SLC9B1: variants seen among roughly 807,000 people sequenced by gnomAD.
SLC9B1 encodes the protein sodium/hydrogen exchanger 9B1.
In SLC9B1, 32 loss-of-function variants were observed where a neutral mutation model predicts 51.7. The ratio of observed to expected loss-of-function variants is 0.62; its 90% CI spans 0.47 to 0.83. SLC9B1 has a LOEUF of 0.83. SLC9B1 is among the 40% of genes least tolerant of loss of function. The pLI is 0.00. For synonymous variants in SLC9B1, 145 were observed against 212.7 expected (o/e 0.68, Z 2.77); for missense variants, 406 against 613.2 (o/e 0.66, Z 3.57).
chr4:102,972,378 G>A lies in SLC9B1; in HGVS notation c.211+17422C>T, dbSNP rs571953046. 3.3e-5 allele frequency among the ~76,000 whole-genome samples: 5 copies of A among 152,148 alleles called. No individual in the cohort carries two copies. The South Asian group carries it at 1.0e-3, about 32-fold the overall frequency. On this transcript the variant is annotated intron_variant, in intron 3 of 11. Transcript: ENST00000296422. Reference sequence around the variant, plus strand: ...CGTAATCCATCACACTTCAGCCTTCGAGTAGCTGACAGGTGTGCCACCATG... The same window carrying A: ...CGTAATCCATCACACTTCAGCCTTCAAGTAGCTGACAGGTGTGCCACCATG...
At chr4:103,008,217 TG>T (rs1393462857) in intron 1 of SLC9B1, among the ~76,000 whole-genome samples, 9 of 152,338 alleles carry the variant, frequency 5.9e-5, no homozygotes, top group South Asian at 2.1e-4. Context: ...GCAAAAGCTA[TG>T]GTATTTAAAA....
At chr4:102,944,963 A>G (rs1737196151) in intron 6 of SLC9B1, among the ~76,000 whole-genome samples, 1 of 152,168 alleles carries the variant, frequency 6.6e-6, no homozygotes, top group Admixed American at 6.6e-5. Context: ...GAATAAATTG[A>G]TCATGTGAAT....
rs144427163 is a variant in SLC9B1 at position 102,932,149 on chromosome 4, T to A, written c.804A>T (p.Thr268=). 6.2e-7 allele frequency: 1 copy of A among 1,611,976 alleles called. No individual in the cohort carries two copies. Among genetic ancestry groups the A allele is most frequent in the African/African-American group, 1.3e-5 (1 of 74,988 alleles). ...DDILAITGFN[T]CLSIVFSSGG... ...CTGAGGAAAAGACTATGCTCAAGCA[T>A]GTATTGAATCCAGTGATAGCCAGAA... Residue 268 remains threonine (T), a synonymous_variant, in exon 7 of 12, where the codon ACA becomes ACT. Coordinates refer to ENST00000296422, the MANE Select transcript of SLC9B1 (RefSeq NM_139173.4).
intron 6 of SLC9B1, among the ~76,000 whole-genome samples, chr4:102,943,588 C>CA (rs1456732145): frequency 1.3e-5 from 2 of 151,548 alleles, no homozygotes; most frequent in African/African-American, 4.9e-5. Flanking sequence ...TAATGGCATT[C>CA]ACAGCAACCT....
At chr4:102,977,485 T>A (rs1394906601) in intron 3 of SLC9B1, among the ~76,000 whole-genome samples, 1 of 152,212 alleles carries the variant, frequency 6.6e-6, no homozygotes, top group East Asian at 1.9e-4. Flanking sequence ...TTTAGCTCCC[T>A]GGCAAACAGA....
chr4:103,018,918 C>T (rs997256715), intron 1 of SLC9B1, among the ~76,000 whole-genome samples: 1 of 152,202 alleles, frequency 6.6e-6, no homozygotes, highest in African/African-American at 2.4e-5. Flanking sequence ...GCATTAGATT[C>T]TCATAGGAGC....
At chr4:102,924,447 A>C (rs1184734030) in intron 7 of SLC9B1, among the ~76,000 whole-genome samples, 2 of 152,222 alleles carry the variant, frequency 1.3e-5, no homozygotes, top group Non-Finnish European at 2.9e-5. Context: ...CTAAAACCAT[A>C]AAAACCCTAG....
chr4:102,918,929 G>A (rs548300645), intron 7 of SLC9B1, among the ~76,000 whole-genome samples: 8 of 152,206 alleles, frequency 5.3e-5, no homozygotes, highest in African/African-American at 1.9e-4. Flanking sequence ...ATATCAACCC[G>A]ACACTATGTG....
chr4:102,932,218 T>G lies in SLC9B1; in HGVS notation c.735A>C (p.Glu245Asp). ...CAGCCATTAATAAGGTTGGAATGCC[T>G]TCCTCAACACCATATCCATTTTCTT... ...VLQENGYGVE[E>D]GIPTLLMAAS... Residue 245 changes from glutamate (E) to aspartate (D), a missense_variant, in exon 7 of 12, where the codon GAA becomes GAC. Glu to Asp is a conservative substitution (Grantham distance 45). Transcript: ENST00000296422. The G allele has an allele frequency of 6.2e-7, 1 of 1,611,914 alleles. No individual in the cohort carries two copies. The highest frequency in any genetic ancestry group is 8.5e-7 in the Non-Finnish European group (1 of 1,179,798).
chr4:102,965,233 G>A lies in SLC9B1; in HGVS notation c.212-15806C>T, dbSNP rs571498690. The stretch of plus-strand genomic sequence containing the variant: ...TAGAATACCTGAGACTGTATAAAGA[G>A]GTTTATTTAGCTCATGTTTCTCCAG... On this transcript the variant is annotated intron_variant, in intron 3 of 11. Coordinates refer to ENST00000296422, the MANE Select transcript of SLC9B1 (RefSeq NM_139173.4). Among the ~76,000 whole-genome samples, 19 of 152,150 alleles carry A rather than the reference G, an allele frequency of 1.2e-4. No homozygotes were observed. The South Asian group carries it at 3.7e-3, about 30-fold the overall frequency.
At chr4:103,001,719 A>C (rs1740532970) in intron 1 of SLC9B1, among the ~76,000 whole-genome samples, 1 of 152,180 alleles carries the variant, frequency 6.6e-6, no homozygotes, top group Non-Finnish European at 1.5e-5. Flanking sequence ...TGAGCCCTCC[A>C]AACTGTTCCC....
chr4:102,910,784 C>T (rs964703050), intron 8 of SLC9B1, among the ~76,000 whole-genome samples, 196 bp from the exon 9 acceptor site: 27 of 152,060 alleles, frequency 1.8e-4, no homozygotes, highest in Admixed American at 7.2e-4. Context: ...CAATTAGTCA[C>T]GTTTCATCTT....
Position 102,927,706 on chromosome 4 carries a change from C to G in SLC9B1, c.829+4418G>C, listed in dbSNP as rs539722671. ...TATAGAACTAGAATTACCATTTGACCCGGCAATCCCATTACTGGGTATATA... is the reference window on the plus strand; with the variant it reads ...TATAGAACTAGAATTACCATTTGACGCGGCAATCCCATTACTGGGTATATA... On this transcript the variant is annotated intron_variant, in intron 7 of 11. Transcript: ENST00000296422. 6.6e-5 allele frequency among the ~76,000 whole-genome samples: 10 copies of G among 152,202 alleles called. No homozygotes were observed. In the East Asian group the frequency reaches 1.9e-3, roughly 29 times the overall value.
rs1328298077 is a variant in SLC9B1 at position 102,906,567 on chromosome 4, T to C, written c.1164A>G (p.Val388=). Residue 388 remains valine (V), a synonymous_variant, in exon 10 of 12, where the codon GTA becomes GTG. Transcript: ENST00000296422. ...PLLFGLVGAE[V]SVSSLESNIV... is the part of the protein sequence containing the mutation. The stretch of plus-strand genomic sequence containing the variant: ...TATTTGATTCAAGCGATGAAACAGA[T>C]ACTTCTGCTCCAACTAAACCAAAAA... 3.2e-6 allele frequency: 5 copies of C among 1,581,840 alleles called. No homozygotes were observed. In the African/African-American group the frequency reaches 5.4e-5, roughly 17 times the overall value.
chr4:102,988,965 AC>A (rs1254525824), intron 3 of SLC9B1, among the ~76,000 whole-genome samples: 2 of 152,052 alleles, frequency 1.3e-5, no homozygotes, highest in African/African-American at 4.8e-5. Flanking sequence ...TACTAAATAG[AC>A]CAAGTCATGG....
At chr4:102,913,538 A>G (rs1735439864) in intron 7 of SLC9B1, among the ~76,000 whole-genome samples, 1 of 152,140 alleles carries the variant, frequency 6.6e-6, no homozygotes, top group Non-Finnish European at 1.5e-5. Context: ...AAACGTCCAA[A>G]TCTTGGCAAA....
chr4:102,940,762 G>A (rs954408952), intron 6 of SLC9B1, among the ~76,000 whole-genome samples: 1 of 152,018 alleles, frequency 6.6e-6, no homozygotes, highest in African/African-American at 2.4e-5. Context: ...GAATCTATAA[G>A]GAACTCAAAA....
At chr4:102,984,569 C>T (rs764821263) in intron 3 of SLC9B1, among the ~76,000 whole-genome samples, 3 of 152,156 alleles carry the variant, frequency 2.0e-5, no homozygotes, top group Non-Finnish European at 2.9e-5. Context: ...GCAGAGATTG[C>T]ATCCTTTCAA....
At chr4:102,894,655 A>G (rs1734448493) in intron 11 of SLC9B1, among the ~76,000 whole-genome samples, 1 of 152,212 alleles carries the variant, frequency 6.6e-6, no homozygotes, top group Admixed American at 6.5e-5. Flanking sequence ...ACCAAAAGCT[A>G]CTGAATAAGA....
Sources: gnomAD v4.1 joint callset for allele counts (sites outside exome capture counted in the v4.1 genomes callset) on GRCh38, gnomAD v4.1.1 for gene constraint, MANE v1.5 for transcripts, NCBI Gene and HGNC (gene_info 2026-07-23, HGNC 2026-07-21) for gene names.